The following DIAPH2 variants were observed in gnomAD, a reference collection of about 807,000 sequenced individuals.
DIAPH2 encodes the protein protein diaphanous homolog 2.
In DIAPH2, 35 loss-of-function variants were observed where a neutral mutation model predicts 92.7. That is an observed-to-expected ratio of 0.38 (90% CI 0.29 to 0.50). The LOEUF (loss-of-function observed/expected upper bound fraction) is 0.50. Among genes scored for constraint, DIAPH2 ranks in the 20% least tolerant of loss-of-function variants. The pLI is 0.94. For missense variants in DIAPH2, 701 were observed against 819.5 expected (o/e 0.86, Z 1.77); for synonymous variants, 301 against 280.4 (o/e 1.07, Z -0.73).
intron 22 of DIAPH2, among the ~76,000 whole-genome samples, chrX:97,228,145 C>T (rs887998758): frequency 2.7e-5 from 3 of 111,851 alleles, no homozygotes; most frequent in African/African-American, 9.7e-5. Flanking sequence ...AAGCGATCCC[C>T]CCGCCTCAGC....
chrX:97,438,355 G>GTTTTTT lies in DIAPH2; in HGVS notation c.3241+8613_3241+8614insTTTTTT, dbSNP rs1275825737. Among the ~76,000 whole-genome samples, 80 of 41,810 alleles carry GTTTTTT rather than the reference G, an allele frequency of 1.9e-3. 6 individuals carry two copies. The highest frequency in any genetic ancestry group is 2.6e-3 in the African/African-American group (29 of 11,249). 36.3% of individuals were successfully genotyped at this position (41,810 alleles called of 115,157 possible). ...AGCTTCTTGTTTTTTTTTTTTGTTT[G>GTTTTTT]TTTGTTTTTTTTTTTTTTTTTTTTT... is the stretch of plus-strand genomic sequence containing the variant. On this transcript the variant is annotated intron_variant, in intron 26 of 26. Transcript: ENST00000324765.
chrX:96,817,534 G>T (rs764286974), intron 4 of DIAPH2, among the ~76,000 whole-genome samples: 1 of 111,392 alleles, frequency 9.0e-6, no homozygotes, highest in East Asian at 2.8e-4. Flanking sequence ...CTTTCGGGCT[G>T]CTATAACAAA....
At chrX:97,142,778 C>T (rs1038509389) in intron 22 of DIAPH2, among the ~76,000 whole-genome samples, 1 of 111,908 alleles carries the variant, frequency 8.9e-6, no homozygotes, top group African/African-American at 3.2e-5. Context: ...AAATCTTATA[C>T]TTGAAATTAC....
intron 4 of DIAPH2, among the ~76,000 whole-genome samples, chrX:96,816,446 A>G (rs1302696635): frequency 8.9e-6 from 1 of 112,349 alleles, no homozygotes; most frequent in Non-Finnish European, 1.9e-5. Flanking sequence ...AATTAATTGA[A>G]GAAGGAGAGA....
intron 1 of DIAPH2, among the ~76,000 whole-genome samples, chrX:96,696,076 G>A (rs749430203): frequency 8.1e-5 from 9 of 111,471 alleles, no homozygotes; most frequent in African/African-American, 1.3e-4. Flanking sequence ...TTAGGAGTTT[G>A]TTTCTGGTTA....
At chrX:97,290,937 A>T (rs2068584666) in intron 23 of DIAPH2, among the ~76,000 whole-genome samples, 1 of 108,399 alleles carries the variant, frequency 9.2e-6, no homozygotes, top group African/African-American at 3.4e-5. Flanking sequence ...GAAAAAAATT[A>T]GCCAGGAGTG....
At chrX:96,767,309 G>T (rs1160541343) in intron 4 of DIAPH2, among the ~76,000 whole-genome samples, 2 of 110,942 alleles carry the variant, frequency 1.8e-5, no homozygotes, top group Admixed American at 1.9e-4. Flanking sequence ...GCAAATTTTA[G>T]TAGCAATCAT....
chrX:97,049,635 A>G (rs1193565736), intron 17 of DIAPH2, among the ~76,000 whole-genome samples: 1 of 111,414 alleles, frequency 9.0e-6, no homozygotes, highest in Non-Finnish European at 1.9e-5. Flanking sequence ...TAATTTCTAC[A>G]TGTTCAATGA....
At chrX:97,160,725 G>C (rs1569316537) in intron 22 of DIAPH2, among the ~76,000 whole-genome samples, 2 of 111,408 alleles carry the variant, frequency 1.8e-5, no homozygotes, top group Non-Finnish European at 1.9e-5. Context: ...CTTAAGTCTG[G>C]TTTTAGCCAT....
At chrX:97,166,192 CTA>C (rs2087225713) in intron 22 of DIAPH2, among the ~76,000 whole-genome samples, 1 of 111,065 alleles carries the variant, frequency 9.0e-6, no homozygotes, top group Admixed American at 9.6e-5. Flanking sequence ...GGCTATTGTC[CTA>C]TGTTTTATAT....
chrX:96,873,647 TACAC>T (rs3082738), intron 4 of DIAPH2, among the ~76,000 whole-genome samples: 9,484 of 95,705 alleles, frequency 0.099, 1,033 homozygotes, highest in African/African-American at 0.31. Context: ...CGTATATATA[TACAC>T]ACACACACAC....
At chrX:96,876,166 C>T (rs1308998682) in intron 4 of DIAPH2, among the ~76,000 whole-genome samples, 4 of 111,519 alleles carry the variant, frequency 3.6e-5, no homozygotes, top group Non-Finnish European at 5.7e-5. Context: ...AAAATGCTCA[C>T]CATCACTGGC....
chrX:96,973,984 C>T (rs767002148), intron 17 of DIAPH2, among the ~76,000 whole-genome samples: 60 of 111,844 alleles, frequency 5.4e-4, no homozygotes, highest in African/African-American at 1.9e-3. Context: ...CGTGTGCCAC[C>T]GCACCCAGCC....
chrX:97,486,891 A>AACTTTAT (rs2070692797), intron 26 of DIAPH2, among the ~76,000 whole-genome samples: 1 of 112,173 alleles, frequency 8.9e-6, no homozygotes, highest in South Asian at 3.7e-4. Flanking sequence ...GCACAAATGA[A>AACTTTAT]ACTTTATACC....
intron 22 of DIAPH2, among the ~76,000 whole-genome samples, chrX:97,204,661 G>A (rs1171292965): frequency 1.8e-5 from 2 of 111,442 alleles, no homozygotes; most frequent in African/African-American, 6.5e-5. Flanking sequence ...ACTGCTCAAG[G>A]AAATGAGAGA....
chrX:97,594,164 C>A (rs899478465), intron 26 of DIAPH2, among the ~76,000 whole-genome samples: 1 of 91,977 alleles, frequency 1.1e-5, no homozygotes, highest in Non-Finnish European at 2.2e-5. Context: ...CACCAAACTG[C>A]ATATGTAGTT....
intron 17 of DIAPH2, among the ~76,000 whole-genome samples, chrX:97,070,284 C>T (rs1032289783): frequency 9.0e-6 from 1 of 111,116 alleles, no homozygotes; most frequent in Admixed American, 9.6e-5. Flanking sequence ...ATGATAAAAT[C>T]AATTCATGAA....
chrX:97,095,589 G>A (rs1235895901), intron 19 of DIAPH2, among the ~76,000 whole-genome samples: 2 of 109,622 alleles, frequency 1.8e-5, no homozygotes, highest in African/African-American at 6.6e-5. Context: ...ACCTAACGCA[G>A]TTCTTCTACT....
At chrX:97,178,129 G>T (rs777030079) in intron 22 of DIAPH2, among the ~76,000 whole-genome samples, 202 of 110,112 alleles carry the variant, frequency 1.8e-3, no homozygotes, top group Non-Finnish European at 3.3e-3. Flanking sequence ...GGGGGCCTTG[G>T]GGGGAATGCT....
Sources: gnomAD v4.1 joint callset for allele counts (sites outside exome capture counted in the v4.1 genomes callset) on GRCh38, gnomAD v4.1.1 for gene constraint, MANE v1.5 for transcripts, NCBI Gene and HGNC (gene_info 2026-07-23, HGNC 2026-07-21) for gene names.